POLD1: variants seen among roughly 807,000 people sequenced by gnomAD.
POLD1 encodes the protein DNA polymerase delta 1, catalytic subunit, also known as DNA polymerase delta catalytic subunit.
Under a neutral mutation model 129.7 loss-of-function variants are expected in POLD1, and 79 were observed. The observed-to-expected ratio is 0.61, with a 90% CI of 0.51 to 0.73. The LOEUF is 0.73. Among genes scored for constraint, POLD1 ranks in the 30% least tolerant of loss-of-function variants. The probability of loss-of-function intolerance (pLI) is 0.00; values close to 1 mark genes in which losing one functional copy is unlikely to be tolerated. For synonymous variants in POLD1, 714 were observed against 683.3 expected, an observed-to-expected ratio of 1.04 and a Z score of -0.70; for missense variants, 1,338 against 1,595.8, an observed-to-expected ratio of 0.84 and a Z score of 2.75.
chr19:50,409,739 G>C lies in POLD1; in HGVS notation c.2154+73G>C, dbSNP rs1370878316. On this transcript the variant is annotated intron_variant, in intron 17 of 26. Transcript: ENST00000440232. The surrounding 1 kb of genome is among the most constrained non-coding windows in gnomAD (Gnocchi z 5.8). ...TGTGTAGGAGACCAGGGCTCCATGT[G>C]GGGGACCTGTATCCAGAGGACTGGG... The C allele has an allele frequency of 2.7e-6, 4 of 1,474,972 alleles. No homozygotes were observed. The highest frequency in any genetic ancestry group is 3.7e-6 in the Non-Finnish European group (4 of 1,092,758). The allele number at this position is 1,474,972 out of a possible 1,614,324, so 91.4% of individuals were successfully genotyped here. A position where few individuals can be genotyped will look rare whatever the true frequency, so the allele number is the denominator to read the frequency against.
At chr19:50,392,297 C>T (rs558466958) in intron 1 of POLD1, among the ~76,000 whole-genome samples, 1 of 152,098 alleles carries the variant, frequency 6.6e-6, no homozygotes, top group Admixed American at 6.6e-5. Context: ...GGAGTCTCAC[C>T]ATGTTGCCTA....
intron 1 of POLD1, among the ~76,000 whole-genome samples, chr19:50,385,765 G>A (rs972873600): frequency 1.3e-5 from 2 of 152,080 alleles, no homozygotes; most frequent in African/African-American, 4.8e-5. Flanking sequence ...CTGACCTCAG[G>A]TGATCCACTT....
intron 3 of POLD1, 36 bp from the exon 4 acceptor site, chr19:50,401,742 G>A: frequency 1.2e-6 from 2 of 1,607,938 alleles, no homozygotes; most frequent in South Asian, 1.1e-5. Context: ...AGGACCCTGA[G>A]AGGCATGGCC....
intron 10 of POLD1, among the ~76,000 whole-genome samples, chr19:50,404,805 A>AC (rs2038812778): frequency 6.6e-6 from 1 of 150,714 alleles, no homozygotes; most frequent in African/African-American, 2.4e-5. Flanking sequence ...CCCAGGCTGG[A>AC]GTGCAATGGC....
intron 9 of POLD1, 67 bp downstream of exon 9, chr19:50,403,286 C>T (rs1462825309): frequency 1.0e-5 from 15 of 1,452,954 alleles, no homozygotes; most frequent in Non-Finnish European, 1.3e-5. Flanking sequence ...CCTGAGCCAT[C>T]AGCTCCTGGG....
At chr19:50,396,035 TG>T (rs773894272) in intron 1 of POLD1, among the ~76,000 whole-genome samples, 65 of 143,432 alleles carry the variant, frequency 4.5e-4, no homozygotes, top group South Asian at 1.3e-3. Flanking sequence ...TTGTTGTGGT[TG>T]TTTTTTTGTT....
chr19:50,400,756 G>A (rs1410024072), intron 3 of POLD1, among the ~76,000 whole-genome samples: 1 of 150,272 alleles, frequency 6.7e-6, no homozygotes, highest in African/African-American at 2.4e-5. Flanking sequence ...GAGTGCAGTG[G>A]CGCGATCTCG....
chr19:50,408,153 G>A (rs111329614), intron 14 of POLD1, among the ~76,000 whole-genome samples: 12,286 of 151,482 alleles, frequency 0.081, 1,596 homozygotes, highest in African/African-American at 0.27. Flanking sequence ...TGGCTAACAC[G>A]GTGAAACCCC....
At position 50,407,082 on chromosome 19, in the gene POLD1, G is replaced by A. The variant is rs765276497; in HGVS notation, c.1594G>A (p.Ala532Thr). Residue 532 changes from alanine (A) to threonine (T), a missense_variant, in exon 13 of 27, where the codon GCC (alanine) becomes ACC (threonine). By Grantham distance (58) the Ala-to-Thr change is moderately conservative. Transcript: ENST00000440232. Reference protein sequence around the residue: ...LLERLMVLVNAVEMARVTGVP... With the variant: ...LLERLMVLVNTVEMARVTGVP... The stretch of plus-strand genomic sequence containing the variant: ...GGAGCGGCTCATGGTGCTGGTGAAC[G>A]CCGTGGAGATGGCGAGGGTCACTGG... 2.5e-5 allele frequency: 40 copies of A among 1,613,632 alleles called. No individual in the cohort carries two copies. In the East Asian group the frequency reaches 4.7e-4, roughly 19 times the overall value.
rs1245870067 is a variant in POLD1 at position 50,413,819 on chromosome 19, G to A, written c.2328G>A (p.Arg776=). Residue 776 remains arginine (R), a synonymous_variant, in exon 19 of 27, where the codon CGG becomes CGA. Coordinates refer to ENST00000440232, the MANE Select transcript of POLD1 (RefSeq NM_002691.4). ...SSVAEAMALG[R]EAADWVSGHF... is the part of the protein sequence containing the mutation. ...TGGCTGAGGCGATGGCCCTGGGGCG[G>A]GAGGCCGCGGACTGGGTGTCAGGTC... 1 of 1,612,412 alleles carries A rather than the reference G, an allele frequency of 6.2e-7. No individual in the cohort carries two copies. The highest frequency in any genetic ancestry group is 1.1e-5 in the South Asian group (1 of 90,992).
At chr19:50,416,764 C>G in intron 24 of POLD1, 41 bp downstream of exon 24, 1 of 1,415,624 alleles carries the variant, frequency 7.1e-7, no homozygotes, top group African/African-American at 1.4e-5. Flanking sequence ...GGCCCTCAAC[C>G]TGCTCTGCCG....
chr19:50,397,884 A>T (rs998530626), intron 1 of POLD1, among the ~76,000 whole-genome samples: 17 of 152,198 alleles, frequency 1.1e-4, no homozygotes, highest in Non-Finnish European at 2.9e-5. Flanking sequence ...TTTATTTTAT[A>T]TCAACCTTGA....
chr19:50,404,225 C>T (rs1399119336), intron 10 of POLD1, among the ~76,000 whole-genome samples: 12 of 151,972 alleles, frequency 7.9e-5, no homozygotes, highest in Admixed American at 5.2e-4. Flanking sequence ...CTCTTCACAC[C>T]GTCTTCTCTC....
rs189436453 is a variant in POLD1 at position 50,391,568 on chromosome 19, G to A, written c.-2+7178G>A. On this transcript the variant is annotated intron_variant, in intron 1 of 26. Transcript: ENST00000440232. ...AAAAACCAGTCAGGCATGGCGGTGC[G>A]TGCCTGCAATCCCAGGCACTCAGCA... 8.0e-3 allele frequency among the ~76,000 whole-genome samples: 1,213 copies of A among 152,128 alleles called. 19 individuals carry two copies. Among genetic ancestry groups the A allele is most frequent in the African/African-American group, 0.028 (1,163 of 41,500 alleles).
intron 26 of POLD1, among the ~76,000 whole-genome samples, 171 bp from the exon 27 acceptor site, chr19:50,417,671 T>TCCCCCCCCCCCCCCCCCCCCCCCCCCCC (rs3840923): frequency 1.2e-4 from 13 of 110,518 alleles, no homozygotes; most frequent in Admixed American, 2.6e-4. Context: ...TGTTATCGGC[T>TCCCCCCCCCCCCCCCCCCCCCCCCCCCC]CCCCCCCCCC....
In POLD1 at chr19:50,404,532, G is replaced by A. The variant is rs368423695; in HGVS notation, c.1242+935G>A. Among the ~76,000 whole-genome samples, 8 of 145,576 alleles carry A rather than the reference G, an allele frequency of 5.5e-5. No homozygotes were observed. The South Asian group carries it at 8.5e-4, about 16-fold the overall frequency. ...CTGCCTCGGCCTCCCAAAGTGTTGGGATTATAGGCGTGAGCTACTGCACCC... is the reference window on the plus strand; with the variant it reads ...CTGCCTCGGCCTCCCAAAGTGTTGGAATTATAGGCGTGAGCTACTGCACCC... On this transcript the variant is annotated intron_variant, in intron 10 of 26. Transcript: ENST00000440232.
rs2122392381 is a variant in POLD1 at position 50,409,723 on chromosome 19, G to C, written c.2154+57G>C. ...GGGCAGGTGGGCCCCCTGTGTAGGAGACCAGGGCTCCATGTGGGGGACCTG... is the reference window on the plus strand; with the variant it reads ...GGGCAGGTGGGCCCCCTGTGTAGGACACCAGGGCTCCATGTGGGGGACCTG... On this transcript the variant is annotated intron_variant, in intron 17 of 26. Transcript: ENST00000440232. This position sits in a 1 kb window ranked among gnomAD's most constrained non-coding sequence, Gnocchi z 5.8. 1.3e-6 allele frequency: 2 copies of C among 1,524,346 alleles called. No homozygotes were observed. The highest frequency in any genetic ancestry group is 8.8e-7 in the Non-Finnish European group (1 of 1,131,184). The allele number at this position is 1,524,346 out of a possible 1,614,324, so 94.4% of individuals were successfully genotyped here.
chr19:50,408,152 C>T (rs1356351174), intron 14 of POLD1, among the ~76,000 whole-genome samples: 7 of 151,534 alleles, frequency 4.6e-5, no homozygotes, highest in African/African-American at 4.8e-5. Context: ...CTGGCTAACA[C>T]GGTGAAACCC....
intron 14 of POLD1, among the ~76,000 whole-genome samples, chr19:50,408,142 C>T (rs2038965982): frequency 6.6e-6 from 1 of 151,582 alleles, no homozygotes; most frequent in African/African-American, 2.4e-5. Flanking sequence ...TGGGACCATC[C>T]TGGCTAACAC....
Sources: allele counts gnomAD v4.1 joint callset (sites outside exome capture counted in the v4.1 genomes callset), GRCh38; gene constraint gnomAD v4.1.1; non-coding constraint Gnocchi (gnomAD v3.1); transcripts MANE v1.5; gene names NCBI Gene and HGNC (gene_info 2026-07-23, HGNC 2026-07-21).